GRIP1: variants seen among roughly 807,000 people sequenced by gnomAD.
The protein encoded by GRIP1 is glutamate receptor-interacting protein 1.
A neutral mutation model predicts 129.9 loss-of-function variants in GRIP1; 45 were observed. The ratio of observed to expected loss-of-function variants is 0.35; its 90% CI spans 0.27 to 0.44. The LOEUF is 0.44. Among genes scored for constraint, GRIP1 ranks in the 20% least tolerant of loss-of-function variants. The pLI is 1.00. For missense variants in GRIP1, 1,196 were observed against 1,396.8 expected, an observed-to-expected ratio of 0.86 and a Z score of 2.29; for synonymous variants, 530 against 520.8, an observed-to-expected ratio of 1.02 and a Z score of -0.24.
intron 1 of GRIP1, among the ~76,000 whole-genome samples, chr12:66,746,165 G>A (rs1324323574): frequency 6.6e-6 from 1 of 152,124 alleles, no homozygotes; most frequent in Middle Eastern, 3.2e-3. Flanking sequence ...CAGAAATCTT[G>A]TTGTTTGAAA....
At chr12:66,613,240 T>A (rs773399717) in intron 1 of GRIP1, among the ~76,000 whole-genome samples, 4 of 152,300 alleles carry the variant, frequency 2.6e-5, no homozygotes, top group Admixed American at 1.3e-4. Context: ...AGGGCCCTAG[T>A]GGCCCTAGAA....
chr12:66,551,970 G>A (rs1195062404), intron 2 of GRIP1, among the ~76,000 whole-genome samples: 2 of 152,278 alleles, frequency 1.3e-5, no homozygotes, highest in African/African-American at 4.8e-5. Context: ...TCTGATCTGG[G>A]AGTCCAGCTG....
intron 1 of GRIP1, among the ~76,000 whole-genome samples, chr12:66,800,477 G>A (rs971200852): frequency 6.6e-6 from 1 of 152,282 alleles, no homozygotes; most frequent in South Asian, 2.1e-4. Context: ...TGGACAGCAA[G>A]AGGTCAGGAT....
rs151041073 is a variant in GRIP1, at chr12:66,444,572, A to G, written c.1687+12T>C. On this transcript the variant is annotated intron_variant, in intron 13 of 24. Coordinates refer to ENST00000359742, the MANE Select transcript of GRIP1 (RefSeq NM_001366722.1). ...TCACATGCAGTCCACTCCTGAGATG[A>G]TATGATTATACCTGCAACATCAAAC... 3.3e-4 allele frequency: 530 copies of G among 1,600,382 alleles called. 4 individuals are homozygous for G. In the East Asian group the frequency reaches 0.01, roughly 31 times the overall value.
At chr12:66,552,828 C>G (rs1251445054) in intron 2 of GRIP1, among the ~76,000 whole-genome samples, 4 of 152,110 alleles carry the variant, frequency 2.6e-5, no homozygotes, top group Non-Finnish European at 5.9e-5. Flanking sequence ...AATAGAGGAA[C>G]AGATGGAAAA....
intron 24 of GRIP1, 49 bp downstream of exon 24, chr12:66,353,368 C>A (rs1273440880): frequency 2.2e-6 from 3 of 1,343,436 alleles, no homozygotes; most frequent in South Asian, 2.3e-5. Context: ...GAGGAAGCTC[C>A]CAGTGAGAAA....
At chr12:66,592,815 C>A (rs531094908) in intron 2 of GRIP1, among the ~76,000 whole-genome samples, 1 of 152,288 alleles carries the variant, frequency 6.6e-6, no homozygotes, top group South Asian at 2.1e-4. Context: ...TGGACAAACC[C>A]TTCAAGTGGT....
chr12:66,677,040 T>C (rs564854247), intron 1 of GRIP1, among the ~76,000 whole-genome samples: 1 of 152,304 alleles, frequency 6.6e-6, no homozygotes, highest in South Asian at 2.1e-4. Flanking sequence ...GCAAATTGAT[T>C]CTGCAAAGAG....
intron 1 of GRIP1, among the ~76,000 whole-genome samples, chr12:66,869,822 A>G (rs1475581518): frequency 6.6e-6 from 1 of 152,154 alleles, no homozygotes; most frequent in African/African-American, 2.4e-5. Flanking sequence ...CAGCATTTGG[A>G]AAAACAAAAG....
At chr12:66,953,225 A>G (rs1334274373) in intron 1 of GRIP1, among the ~76,000 whole-genome samples, 1 of 152,230 alleles carries the variant, frequency 6.6e-6, no homozygotes, top group African/African-American at 2.4e-5. Flanking sequence ...AAAAGGACAG[A>G]TACAACCCAG....
intron 9 of GRIP1, among the ~76,000 whole-genome samples, chr12:66,462,450 A>G (rs865795958): frequency 2.0e-5 from 3 of 152,216 alleles, no homozygotes; most frequent in Admixed American, 6.5e-5. Context: ...AATTTGCACC[A>G]AAGACTTTTT....
intron 1 of GRIP1, among the ~76,000 whole-genome samples, chr12:66,823,456 CATG>C (rs2039356070): frequency 6.6e-6 from 1 of 152,064 alleles, no homozygotes; most frequent in South Asian, 2.1e-4. Flanking sequence ...TTAACATTTT[CATG>C]ATAAAAATGA....
chr12:66,703,791 T>A (rs1186244618), intron 1 of GRIP1, among the ~76,000 whole-genome samples: 1 of 152,048 alleles, frequency 6.6e-6, no homozygotes, highest in African/African-American at 2.4e-5. Flanking sequence ...TGGGTGACAT[T>A]ATGCCTACTA....
chr12:66,560,510 C>A (rs868190426), intron 2 of GRIP1, among the ~76,000 whole-genome samples: 4 of 151,408 alleles, frequency 2.6e-5, no homozygotes, highest in Admixed American at 6.6e-5. Flanking sequence ...GAAAAATGGG[C>A]AAAATATTTG....
At chr12:66,481,089 T>C (rs1445890713) in intron 7 of GRIP1, among the ~76,000 whole-genome samples, 1 of 151,784 alleles carries the variant, frequency 6.6e-6, no homozygotes, top group South Asian at 2.1e-4. Flanking sequence ...AAGCCAAAAC[T>C]AACAAATGGG....
intron 7 of GRIP1, among the ~76,000 whole-genome samples, chr12:66,515,137 CTTTA>C (rs2060806293): frequency 6.6e-6 from 1 of 152,014 alleles, no homozygotes; most frequent in Non-Finnish European, 1.5e-5. Context: ...ACTACATCTC[CTTTA>C]TTTTTCTTAT....
At chr12:66,812,703 AATGT>A (rs1159127386) in intron 1 of GRIP1, among the ~76,000 whole-genome samples, 2 of 152,188 alleles carry the variant, frequency 1.3e-5, no homozygotes, top group Non-Finnish European at 2.9e-5. Flanking sequence ...TGCCCTATAA[AATGT>A]ATTTAGTGCC....
intron 14 of GRIP1, among the ~76,000 whole-genome samples, chr12:66,421,797 G>A (rs2057811711): frequency 6.6e-6 from 1 of 151,318 alleles, no homozygotes; most frequent in Non-Finnish European, 1.5e-5. Context: ...TCAGTTTTGG[G>A]TTTTTATCAA....
At chr12:66,474,185 C>G (rs137964556) in intron 7 of GRIP1, among the ~76,000 whole-genome samples, 1 of 151,698 alleles carries the variant, frequency 6.6e-6, no homozygotes, top group Non-Finnish European at 1.5e-5. Flanking sequence ...GTGAAGCATA[C>G]GGAAGTATCA....
Sources: allele counts gnomAD v4.1 joint callset (sites outside exome capture counted in the v4.1 genomes callset), GRCh38; gene constraint gnomAD v4.1.1; transcripts MANE v1.5; gene names NCBI Gene and HGNC (gene_info 2026-07-23, HGNC 2026-07-21).